The following PDS5B variants were observed in gnomAD, a reference collection of about 807,000 sequenced individuals.
The protein encoded by PDS5B is sister chromatid cohesion protein PDS5 homolog B.
In PDS5B, 51 loss-of-function variants were observed where a neutral mutation model predicts 184.1. The ratio of observed to expected loss-of-function variants is 0.28; its 90% CI spans 0.22 to 0.35. The LOEUF (loss-of-function observed/expected upper bound fraction) is 0.35, where lower values mean the gene tolerates loss of function less well. Among genes scored for constraint, PDS5B ranks in the 10% least tolerant of loss-of-function variants. The pLI, the probability that PDS5B is intolerant of heterozygous loss-of-function variation, is 1.00. For synonymous variants in PDS5B, 566 were observed against 569.2 expected (o/e 0.99, Z 0.08); for missense variants, 1,180 against 1,723.3 (o/e 0.68, Z 5.58).
At chr13:32,655,374 A>ATATATATATATATATT in intron 3 of PDS5B, among the ~76,000 whole-genome samples, 11 of 72,466 alleles carry the variant, frequency 1.5e-4, no homozygotes, top group African/African-American at 4.1e-4. Context: ...ATATATATAT[A>ATATATATATATATATT]TTTTTTTTTT....
chr13:32,594,980 G>A (rs1001996059), intron 1 of PDS5B, among the ~76,000 whole-genome samples: 5 of 151,966 alleles, frequency 3.3e-5, no homozygotes, highest in East Asian at 1.9e-4. Context: ...CCTCATATAC[G>A]TGTCTTCTTC....
chr13:32,629,291 AG>A (rs1276060638), intron 1 of PDS5B, among the ~76,000 whole-genome samples: 2 of 150,872 alleles, frequency 1.3e-5, no homozygotes, highest in African/African-American at 4.9e-5. Context: ...TTTTTTTTCT[AG>A]GTCAAACCAG....
chr13:32,672,981 G>T (rs1213475657), intron 7 of PDS5B, among the ~76,000 whole-genome samples: 1 of 152,180 alleles, frequency 6.6e-6, no homozygotes, highest in Non-Finnish European at 1.5e-5. Flanking sequence ...GAGTATATTT[G>T]AAAAGTAGAA....
chr13:32,663,436 G>A (rs1424061117), intron 6 of PDS5B, among the ~76,000 whole-genome samples: 1 of 152,054 alleles, frequency 6.6e-6, no homozygotes. Flanking sequence ...GGAATACAAG[G>A]ATGGATTAAC....
intron 6 of PDS5B, among the ~76,000 whole-genome samples, chr13:32,662,405 T>C (rs1312768245): frequency 6.6e-6 from 1 of 152,074 alleles, no homozygotes. Flanking sequence ...TTTATAAAAA[T>C]ATTGAGGATT....
Position 32,648,829 on chromosome 13 carries a change from C to A in PDS5B, c.57C>A (p.Val19=). The change falls in exon 2 of 35, where the codon GTC becomes GTA. Residue 19 remains valine (V), a synonymous_variant. Transcript: ENST00000315596. ...GAAAAATTACATATCCGCCTGGGGT[C>A]AAGGAAATATCAGATAAAATATCTA... ...NDGKITYPPG[V]KEISDKISKE... 1 of 1,560,424 alleles carries A rather than the reference C, an allele frequency of 6.4e-7. No homozygotes were observed. The highest frequency in any genetic ancestry group is 8.8e-7 in the Non-Finnish European group (1 of 1,131,390).
At chr13:32,631,114 C>CTTTTTTTTTT (rs766844209) in intron 1 of PDS5B, among the ~76,000 whole-genome samples, 1 of 123,746 alleles carries the variant, frequency 8.1e-6, no homozygotes, top group African/African-American at 2.9e-5. Flanking sequence ...TTCTTTTTTT[C>CTTTTTTTTTT]TTTCTTTTTT....
intron 1 of PDS5B, among the ~76,000 whole-genome samples, chr13:32,627,444 T>G (rs1420405411): frequency 6.6e-6 from 1 of 152,212 alleles, no homozygotes; most frequent in Non-Finnish European, 1.5e-5. Context: ...GAATGGTACT[T>G]TAAAAATATG....
At chr13:32,758,494 C>T (rs1376465295) in intron 27 of PDS5B, 40 bp from the exon 28 acceptor site, 3 of 1,581,308 alleles carry the variant, frequency 1.9e-6, no homozygotes, top group South Asian at 1.1e-5. Flanking sequence ...TCTAGATTGC[C>T]AGCTTAAGTA....
At position 32,775,095 on chromosome 13, in the gene PDS5B, A is replaced by ATT. The variant is rs373003953; in HGVS notation, c.*44_*45insTT. ...CTTTCTCTGTGAAAGCTTTGGAAAAATCTTTTTTTTTTTTTTTGGTCAAGC... is the reference window on the plus strand; with the variant it reads ...CTTTCTCTGTGAAAGCTTTGGAAAAATTTCTTTTTTTTTTTTTTTGGTCAAGC... On this transcript the variant is annotated 3_prime_UTR_variant, in exon 35 of 35. Coordinates refer to ENST00000315596, the MANE Select transcript of PDS5B (RefSeq NM_015032.4). 194 of 547,664 alleles carry ATT rather than the reference A, an allele frequency of 3.5e-4. No individual in the cohort carries two copies. Among genetic ancestry groups the ATT allele is most frequent in the Admixed American group, 1.6e-3 (27 of 17,324 alleles). 33.9% of individuals were successfully genotyped at this position (547,664 alleles called of 1,614,324 possible).
chr13:32,757,602 A>G (rs1954229947), intron 26 of PDS5B, among the ~76,000 whole-genome samples: 1 of 152,218 alleles, frequency 6.6e-6, no homozygotes, highest in African/African-American at 2.4e-5. Flanking sequence ...GACAATGCTT[A>G]TAATTGTCAA....
At chr13:32,684,444 T>C (rs1363007141) in intron 11 of PDS5B, among the ~76,000 whole-genome samples, 2 of 152,154 alleles carry the variant, frequency 1.3e-5, no homozygotes, top group Admixed American at 1.3e-4. Flanking sequence ...GAATAGAAAA[T>C]GAAAGATGTT....
chr13:32,705,586 G>A (rs1951986092), intron 17 of PDS5B, among the ~76,000 whole-genome samples: 1 of 152,076 alleles, frequency 6.6e-6, no homozygotes, highest in African/African-American at 2.4e-5. Flanking sequence ...ATTTTGGTAT[G>A]TTTTCTGTCT....
At chr13:32,745,395 A>G (rs981490931) in intron 23 of PDS5B, among the ~76,000 whole-genome samples, 3 of 152,242 alleles carry the variant, frequency 2.0e-5, no homozygotes, top group African/African-American at 4.8e-5. Context: ...TGAGGGAATT[A>G]AATGACTTGA....
intron 19 of PDS5B, among the ~76,000 whole-genome samples, chr13:32,726,143 TAAACTTAA>T (rs1952891028): frequency 8.8e-6 from 1 of 113,056 alleles, no homozygotes; most frequent in Admixed American, 1.0e-4. Context: ...TCCCTGTAGA[TAAACTTAA>T]AAAAAAAAAA....
intron 11 of PDS5B, among the ~76,000 whole-genome samples, chr13:32,684,714 T>C (rs1414975115): frequency 2.0e-4 from 31 of 152,188 alleles, no homozygotes; most frequent in Admixed American, 2.0e-3. Context: ...ATAAGAGTAA[T>C]TTTGGTGAAG....
intron 4 of PDS5B, 48 bp downstream of exon 4, chr13:32,658,373 T>C (rs1950569494): frequency 1.4e-6 from 2 of 1,412,876 alleles, no homozygotes; most frequent in East Asian, 2.3e-5. Flanking sequence ...CTGATTTTTT[T>C]GTTTGTATAT....
chr13:32,626,520 T>C (rs748504995), intron 1 of PDS5B, among the ~76,000 whole-genome samples: 12 of 152,194 alleles, frequency 7.9e-5, no homozygotes, highest in Non-Finnish European at 1.6e-4. Flanking sequence ...AGTCAGTCTT[T>C]AGTTTTGCCT....
intron 1 of PDS5B, among the ~76,000 whole-genome samples, chr13:32,592,795 G>A (rs1172764571): frequency 6.6e-6 from 1 of 152,150 alleles, no homozygotes; most frequent in African/African-American, 2.4e-5. Context: ...TCTAAGGAAT[G>A]CAGAAGAGCA....
Sources: gnomAD v4.1 joint callset for allele counts (sites outside exome capture counted in the v4.1 genomes callset) on GRCh38, gnomAD v4.1.1 for gene constraint, MANE v1.5 for transcripts, NCBI Gene and HGNC (gene_info 2026-07-23, HGNC 2026-07-21) for gene names.